The following SPRED1 variants were observed in gnomAD, a reference collection of about 807,000 sequenced individuals.
SPRED1 encodes sprouty-related, EVH1 domain-containing protein 1.
A neutral mutation model predicts 52.3 loss-of-function variants in SPRED1; 18 were observed. The observed-to-expected ratio is 0.34, with a 90% CI of 0.24 to 0.51. SPRED1 has a LOEUF of 0.51. Among genes scored for constraint, SPRED1 ranks in the 20% least tolerant of loss-of-function variants. SPRED1 has a pLI of 0.97. For synonymous variants in SPRED1, 155 were observed against 179.7 expected (o/e 0.86, Z 1.10); for missense variants, 485 against 551.0 (o/e 0.88, Z 1.20).
intron 1 of SPRED1, among the ~76,000 whole-genome samples, chr15:38,263,696 G>A (rs1894248077): frequency 6.6e-6 from 1 of 152,132 alleles, no homozygotes; most frequent in African/African-American, 2.4e-5. Flanking sequence ...GGGGACAGAA[G>A]TCAGGTTTTG....
chr15:38,253,933 C>T (rs1004860928), intron 1 of SPRED1, among the ~76,000 whole-genome samples: 5 of 152,066 alleles, frequency 3.3e-5, no homozygotes, highest in African/African-American at 1.2e-4. Flanking sequence ...TTGATGTAAC[C>T]GAATTTACAT....
intron 1 of SPRED1, among the ~76,000 whole-genome samples, chr15:38,282,040 T>C (rs1317887227): frequency 6.6e-6 from 1 of 152,196 alleles, no homozygotes; most frequent in Non-Finnish European, 1.5e-5. Flanking sequence ...AAGGGATTAA[T>C]TTGAAGCTTT....
intron 5 of SPRED1, among the ~76,000 whole-genome samples, chr15:38,347,452 C>T (rs539046547): frequency 4.6e-5 from 5 of 108,948 alleles, no homozygotes; most frequent in Admixed American, 1.1e-4. Flanking sequence ...TTTGTTTTCC[C>T]GCTTGGATCT....
At chr15:38,344,208 A>G (rs1242817942) in intron 5 of SPRED1, among the ~76,000 whole-genome samples, 2 of 152,140 alleles carry the variant, frequency 1.3e-5, no homozygotes, top group Non-Finnish European at 2.9e-5. Context: ...TCATCTCAAC[A>G]TAGGAGAGAG....
chr15:38,270,124 C>G (rs1414861537), intron 1 of SPRED1, among the ~76,000 whole-genome samples: 1 of 152,036 alleles, frequency 6.6e-6, no homozygotes, highest in Non-Finnish European at 1.5e-5. Flanking sequence ...GCCACGCTGT[C>G]ATGAACTCCC....
At chr15:38,332,784 T>C (rs894782645) in intron 4 of SPRED1, among the ~76,000 whole-genome samples, 1 of 152,186 alleles carries the variant, frequency 6.6e-6, no homozygotes, top group Non-Finnish European at 1.5e-5. Context: ...TTACAGGTTG[T>C]CCTAGTTCAT....
At chr15:38,315,550 A>G (rs1045562518) in intron 2 of SPRED1, among the ~76,000 whole-genome samples, 5 of 151,874 alleles carry the variant, frequency 3.3e-5, no homozygotes, top group African/African-American at 1.2e-4. Flanking sequence ...CAGAAGTTGT[A>G]GTTACTTAGT....
intron 1 of SPRED1, among the ~76,000 whole-genome samples, chr15:38,266,363 G>C (rs1438691651): frequency 6.6e-6 from 1 of 152,152 alleles, no homozygotes; most frequent in Non-Finnish European, 1.5e-5. Flanking sequence ...ATTAGGGCCA[G>C]GCACGGTGGC....
intron 1 of SPRED1, among the ~76,000 whole-genome samples, chr15:38,277,268 C>T (rs1051896470): frequency 1.3e-5 from 2 of 152,006 alleles, no homozygotes; most frequent in African/African-American, 4.8e-5. Flanking sequence ...TTGATCTGTT[C>T]CCTCCTCCCA....
chr15:38,283,700 G>A (rs978686732), intron 1 of SPRED1, among the ~76,000 whole-genome samples: 3 of 152,028 alleles, frequency 2.0e-5, no homozygotes, highest in African/African-American at 7.2e-5. Context: ...GAACAGCAGG[G>A]GTTTAAATCC....
chr15:38,305,632 A>G (rs1895238217), intron 2 of SPRED1, among the ~76,000 whole-genome samples: 1 of 151,614 alleles, frequency 6.6e-6, no homozygotes, highest in Admixed American at 6.6e-5. Flanking sequence ...GCTAAAATGT[A>G]TATAGACACA....
chr15:38,309,711 G>A (rs1895323136), intron 2 of SPRED1, among the ~76,000 whole-genome samples: 1 of 152,108 alleles, frequency 6.6e-6, no homozygotes, highest in Non-Finnish European at 1.5e-5. Context: ...TTTCCTGAAA[G>A]TTTTATATAA....
At chr15:38,270,277 C>T (rs1894403904) in intron 1 of SPRED1, among the ~76,000 whole-genome samples, 1 of 152,198 alleles carries the variant, frequency 6.6e-6, no homozygotes, top group Admixed American at 6.5e-5. Flanking sequence ...TCTCCATTCA[C>T]TCTGCTGAAG....
intron 4 of SPRED1, among the ~76,000 whole-genome samples, chr15:38,333,269 A>C (rs566853952): frequency 2.0e-4 from 31 of 152,308 alleles, no homozygotes; most frequent in Non-Finnish European, 4.0e-4. Context: ...GCTGAGGTTA[A>C]GCATAAAACA....
intron 1 of SPRED1, among the ~76,000 whole-genome samples, chr15:38,271,036 A>G (rs1566849888): frequency 6.6e-6 from 1 of 152,182 alleles, no homozygotes; most frequent in Non-Finnish European, 1.5e-5. Flanking sequence ...GTTTTTAAAG[A>G]TAAATATTAT....
At chr15:38,297,480 G>A (rs1036926076) in intron 1 of SPRED1, among the ~76,000 whole-genome samples, 10 of 152,086 alleles carry the variant, frequency 6.6e-5, no homozygotes, top group African/African-American at 2.2e-4. Context: ...TCATGCACCC[G>A]CACTTCCTCT....
chr15:38,304,597 T>G (rs1566861359), intron 2 of SPRED1, among the ~76,000 whole-genome samples: 2 of 152,202 alleles, frequency 1.3e-5, no homozygotes, highest in African/African-American at 4.8e-5. Context: ...TTTCATCTAC[T>G]CATCTTAGCA....
chr15:38,272,200 C>T (rs912862065), intron 1 of SPRED1, among the ~76,000 whole-genome samples: 7 of 150,570 alleles, frequency 4.6e-5, no homozygotes, highest in Non-Finnish European at 7.4e-5. Flanking sequence ...CATGAGTGCA[C>T]GTGTCTTTTT....
At chr15:38,302,118 T>G (rs745557082) in intron 2 of SPRED1, among the ~76,000 whole-genome samples, 11 of 152,196 alleles carry the variant, frequency 7.2e-5, no homozygotes, top group Non-Finnish European at 1.5e-4. Flanking sequence ...TTCTTGCCCC[T>G]CATATCCCAT....
Sources: allele counts gnomAD v4.1 joint callset (sites outside exome capture counted in the v4.1 genomes callset), GRCh38; gene constraint gnomAD v4.1.1; transcripts MANE v1.5; gene names NCBI Gene and HGNC (gene_info 2026-07-23, HGNC 2026-07-21).